Variants in WRN observed in about 807,000 individuals in gnomAD.
WRN encodes the protein WRN RecQ like helicase.
A neutral mutation model predicts 180.7 loss-of-function variants in WRN; 149 were observed. The observed-to-expected ratio is 0.82, with a 90% CI of 0.72 to 0.94. WRN has a LOEUF of 0.94. WRN is among the 40% of genes least tolerant of loss of function. WRN has a pLI of 0.00. For missense variants in WRN, 1,661 were observed against 1,700.1 expected (o/e 0.98, Z 0.40); for synonymous variants, 548 against 568.9 (o/e 0.96, Z 0.52).
intron 19 of WRN, among the ~76,000 whole-genome samples, chr8:31,113,684 G>A (rs1362079146): frequency 1.3e-5 from 2 of 152,036 alleles, no homozygotes; most frequent in Non-Finnish European, 2.9e-5. Context: ...CCTTTTTTGT[G>A]TGTAATATTG....
At chr8:31,096,999 C>T (rs1034688196) in intron 17 of WRN, 149 bp downstream of exon 17, 8 of 765,318 alleles carry the variant, frequency 1.0e-5, no homozygotes, top group Admixed American at 2.0e-5. Flanking sequence ...CTTGCTGTTT[C>T]ACCTATCTTA....
intron 17 of WRN, among the ~76,000 whole-genome samples, chr8:31,100,023 C>T (rs1814157908): frequency 6.6e-6 from 1 of 152,116 alleles, no homozygotes; most frequent in African/African-American, 2.4e-5. Context: ...AGTGTCCGAA[C>T]ATTATTAATG....
intron 1 of WRN, among the ~76,000 whole-genome samples, chr8:31,039,600 G>T (rs570491856): frequency 1.8e-4 from 27 of 152,190 alleles, no homozygotes; most frequent in Non-Finnish European, 3.5e-4. Flanking sequence ...GAAAAGCAGT[G>T]GTGAAAGTGG....
chr8:31,169,980 T>G (rs545722721), intron 34 of WRN, among the ~76,000 whole-genome samples: 1 of 152,276 alleles, frequency 6.6e-6, no homozygotes, highest in South Asian at 2.1e-4. Flanking sequence ...TATTATCAGA[T>G]TAATCTCTCA....
chr8:31,054,272 A>G (rs1336234404), intron 1 of WRN, among the ~76,000 whole-genome samples: 4 of 152,236 alleles, frequency 2.6e-5, no homozygotes, highest in Non-Finnish European at 5.9e-5. Context: ...TGAAGAAAGT[A>G]ACTGATGAAA....
intron 18 of WRN, among the ~76,000 whole-genome samples, chr8:31,105,104 CAACAA>C (rs1563354201): frequency 6.6e-6 from 1 of 152,170 alleles, no homozygotes; most frequent in East Asian, 1.9e-4. Flanking sequence ...GATATTAAAA[CAACAA>C]ACCAAAAATA....
At chr8:31,066,825 C>G (rs1812724965) in intron 5 of WRN, among the ~76,000 whole-genome samples, 1 of 152,016 alleles carries the variant, frequency 6.6e-6, no homozygotes, top group Admixed American at 6.6e-5. Context: ...TTTTTAATAC[C>G]TACATTAGGG....
intron 23 of WRN, chr8:31,131,430 A>G (rs991623063): frequency 2.6e-5 from 4 of 152,420 alleles, no homozygotes; most frequent in Admixed American, 2.0e-4. Flanking sequence ...TGCTGGGATT[A>G]CAGGCGTGAG....
At chr8:31,075,820 T>C (rs1332375246) in intron 7 of WRN, among the ~76,000 whole-genome samples, 1 of 152,038 alleles carries the variant, frequency 6.6e-6, no homozygotes, top group Non-Finnish European at 1.5e-5. Flanking sequence ...TACTAAACAG[T>C]ATTATTAAGT....
intron 30 of WRN, 115 bp from the exon 31 acceptor site, chr8:31,150,226 A>C: frequency 1.2e-6 from 1 of 844,394 alleles, no homozygotes; most frequent in Non-Finnish European, 2.0e-6. Flanking sequence ...TGGAAAAACT[A>C]TACATTTATT....
In WRN at chr8:31,141,545, T is replaced by C; in HGVS notation, c.3083T>C (p.Leu1028Ser). 6.2e-7 allele frequency: 1 copy of C among 1,614,216 alleles called. No individual in the cohort carries two copies. The highest frequency in any genetic ancestry group is 8.5e-7 in the Non-Finnish European group (1 of 1,180,042). ...FSRQLITEGFLVEVSRYNKFM... is the reference protein window; with the variant it reads ...FSRQLITEGFSVEVSRYNKFM... Reference sequence around the variant, plus strand: ...CGTCAGCTGATCACTGAGGGATTCTTGGTAGAAGTTTCTCGGTATAACAAA... The same window carrying C: ...CGTCAGCTGATCACTGAGGGATTCTCGGTAGAAGTTTCTCGGTATAACAAA... The change falls in exon 25 of 35, where the codon TTG becomes TCG. Residue 1028 changes from leucine to serine, a missense_variant. Leu to Ser is a moderately radical substitution (Grantham distance 145). This residue lies in a region of WRN where 1,141 missense variants were observed against 1,149.4 expected (regional missense o/e 0.99). Coordinates refer to ENST00000298139, the MANE Select transcript of WRN (RefSeq NM_000553.6).
At chr8:31,046,921 A>G (rs916141945) in intron 1 of WRN, among the ~76,000 whole-genome samples, 38 of 152,264 alleles carry the variant, frequency 2.5e-4, no homozygotes, top group African/African-American at 9.1e-4. Context: ...TTTTCTTCTT[A>G]TTCATGTTAC....
At chr8:31,164,703 T>G (rs1362950320) in intron 33 of WRN, among the ~76,000 whole-genome samples, 1 of 152,198 alleles carries the variant, frequency 6.6e-6, no homozygotes, top group Non-Finnish European at 1.5e-5. Context: ...TTGATTAATT[T>G]TATTCCCCCA....
chr8:31,145,535 C>T (rs561539754), intron 28 of WRN, among the ~76,000 whole-genome samples: 2 of 152,096 alleles, frequency 1.3e-5, no homozygotes, highest in African/African-American at 2.4e-5. Flanking sequence ...CACCAAGAGC[C>T]GTAATGGAGA....
chr8:31,166,907 C>A, intron 33 of WRN, 115 bp from the exon 34 acceptor site: 1 of 1,092,430 alleles, frequency 9.2e-7, no homozygotes, highest in Non-Finnish European at 1.3e-6. Flanking sequence ...GGAAACTTTT[C>A]TTTGGCAACC....
chr8:31,116,205 C>T, intron 19 of WRN, 149 bp from the exon 20 acceptor site: 1 of 798,182 alleles, frequency 1.3e-6, no homozygotes, highest in Non-Finnish European at 1.9e-6. Context: ...TTTTCATGCA[C>T]TTAAATATAT....
chr8:31,151,269 GA>G (rs1207881251), intron 31 of WRN, among the ~76,000 whole-genome samples: 1 of 152,184 alleles, frequency 6.6e-6, no homozygotes, highest in East Asian at 1.9e-4. Context: ...ATAAAATGTT[GA>G]AAGAGTTAAA....
chr8:31,097,797 T>A (rs1814052943), intron 17 of WRN, among the ~76,000 whole-genome samples: 1 of 152,012 alleles, frequency 6.6e-6, no homozygotes, highest in African/African-American at 2.4e-5. Flanking sequence ...TTTTTTTTTC[T>A]TCTTGGTGGT....
intron 11 of WRN, among the ~76,000 whole-genome samples, chr8:31,086,542 C>T (rs1230002799): frequency 4.0e-5 from 6 of 151,838 alleles, no homozygotes; most frequent in African/African-American, 1.5e-4. Flanking sequence ...CATGCCACTG[C>T]ACTCTAGCCT....
Sources: allele counts gnomAD v4.1 joint callset (sites outside exome capture counted in the v4.1 genomes callset), GRCh38; gene constraint gnomAD v4.1.1; regional missense constraint gnomAD v4.1.1; transcripts MANE v1.5; gene names NCBI Gene and HGNC (gene_info 2026-07-23, HGNC 2026-07-21).